Variants in ANKS1B observed in about 807,000 individuals in gnomAD.
ANKS1B encodes the protein ankyrin repeat and sterile alpha motif domain containing 1B, also known as ankyrin repeat and sterile alpha motif domain-containing protein 1B.
Under a neutral mutation model 148.3 loss-of-function variants are expected in ANKS1B, and 36 were observed. That is an observed-to-expected ratio of 0.24 (90% CI 0.19 to 0.32). The LOEUF is 0.32. Among genes scored for constraint, ANKS1B ranks in the 10% least tolerant of loss-of-function variants. The pLI, the probability that ANKS1B is intolerant of heterozygous loss-of-function variation, is 1.00. For synonymous variants in ANKS1B, 542 were observed against 560.8 expected (o/e 0.97, Z 0.47); for missense variants, 1,157 against 1,542.6 (o/e 0.75, Z 4.19).
chr12:98,833,242 G>A (rs1460034188), intron 17 of ANKS1B, among the ~76,000 whole-genome samples: 2 of 152,186 alleles, frequency 1.3e-5, no homozygotes, highest in African/African-American at 4.8e-5. Flanking sequence ...GTGGTTCCGA[G>A]TGGTTAAGTC....
At chr12:99,866,954 T>C (rs750160258) in intron 1 of ANKS1B, among the ~76,000 whole-genome samples, 20 of 152,248 alleles carry the variant, frequency 1.3e-4, no homozygotes, top group East Asian at 7.7e-4. Flanking sequence ...GGGAAAAAGA[T>C]AGCAACTGTG....
At chr12:99,458,305 G>A (rs541629197) in intron 10 of ANKS1B, among the ~76,000 whole-genome samples, 110 of 152,004 alleles carry the variant, frequency 7.2e-4, no homozygotes, top group African/African-American at 2.5e-3. Context: ...AGCATCAAAT[G>A]TCTACTTCAA....
intron 9 of ANKS1B, among the ~76,000 whole-genome samples, chr12:99,593,585 A>T (rs1216624612): frequency 6.6e-6 from 1 of 152,114 alleles, no homozygotes; most frequent in Non-Finnish European, 1.5e-5. Flanking sequence ...AAAAGAAAAC[A>T]TTGATTGATT....
chr12:99,666,895 T>TGG (rs59723143), intron 8 of ANKS1B, among the ~76,000 whole-genome samples: 4,980 of 144,790 alleles, frequency 0.034, 287 homozygotes, highest in African/African-American at 0.11. Context: ...TGTGTGTGTG[T>TGG]GGTGAGGACA....
chr12:99,007,378 T>C (rs1171039691), intron 17 of ANKS1B, among the ~76,000 whole-genome samples: 1 of 152,232 alleles, frequency 6.6e-6, no homozygotes, highest in East Asian at 1.9e-4. Context: ...TTTATGAAGA[T>C]AGCAGAAGCT....
intron 15 of ANKS1B, among the ~76,000 whole-genome samples, chr12:99,109,066 T>C (rs185358204): frequency 3.4e-4 from 52 of 152,290 alleles, no homozygotes; most frequent in Middle Eastern, 3.4e-3. Context: ...CTTCAGCTTC[T>C]TTCTCTTCTC....
At chr12:99,816,699 TTAC>T (rs2069215319) in intron 2 of ANKS1B, among the ~76,000 whole-genome samples, 1 of 151,770 alleles carries the variant, frequency 6.6e-6, no homozygotes, top group Non-Finnish European at 1.5e-5. Context: ...TCTGTCAGTT[TTAC>T]TAAGTTATAA....
At chr12:99,545,113 A>G (rs1047922673) in intron 9 of ANKS1B, among the ~76,000 whole-genome samples, 1 of 152,158 alleles carries the variant, frequency 6.6e-6, no homozygotes, top group African/African-American at 2.4e-5. Context: ...GGACATTTTA[A>G]TTATATGATC....
intron 14 of ANKS1B, among the ~76,000 whole-genome samples, chr12:99,233,287 C>T (rs2087210260): frequency 6.6e-6 from 1 of 152,024 alleles, no homozygotes; most frequent in South Asian, 2.1e-4. Flanking sequence ...ATAATTTAAT[C>T]TTGCTACAGT....
intron 15 of ANKS1B, among the ~76,000 whole-genome samples, chr12:99,095,215 T>C (rs908166820): frequency 2.6e-5 from 4 of 152,212 alleles, no homozygotes; most frequent in Non-Finnish European, 5.9e-5. Context: ...ATTCTGTTTC[T>C]TGGTCGTGGC....
chr12:99,169,466 C>A (rs2077527091), intron 14 of ANKS1B, among the ~76,000 whole-genome samples: 1 of 152,076 alleles, frequency 6.6e-6, no homozygotes, highest in Admixed American at 6.6e-5. Context: ...ACTGGCTGAA[C>A]CCTCCAAAAT....
At chr12:98,894,605 AG>A (rs2099759857) in intron 17 of ANKS1B, 2 of 984,330 alleles carry the variant, frequency 2.0e-6, no homozygotes, top group Non-Finnish European at 2.4e-6. Context: ...CCGCGGAGCG[AG>A]GGGGCCGCTG....
At chr12:99,439,538 T>C (rs1345522843) in intron 11 of ANKS1B, among the ~76,000 whole-genome samples, 1 of 151,462 alleles carries the variant, frequency 6.6e-6, no homozygotes. Context: ...GAATTGGCAA[T>C]AACCACAGAA....
chr12:98,956,646 T>G (rs1001428090), intron 17 of ANKS1B, among the ~76,000 whole-genome samples: 2 of 151,644 alleles, frequency 1.3e-5, no homozygotes, highest in Non-Finnish European at 2.9e-5. Flanking sequence ...GGATGCTTCA[T>G]ATGTTACAAG....
intron 12 of ANKS1B, among the ~76,000 whole-genome samples, chr12:99,366,574 AGTTG>A (rs2152451071): frequency 1.3e-5 from 2 of 152,316 alleles, no homozygotes; most frequent in East Asian, 3.9e-4. Flanking sequence ...TATATGACAA[AGTTG>A]GCATCTCAAA....
chr12:99,982,188 G>T (rs748021344), intron 1 of ANKS1B, among the ~76,000 whole-genome samples: 8 of 151,976 alleles, frequency 5.3e-5, no homozygotes, highest in Admixed American at 5.2e-4. Flanking sequence ...AATCTTTGTT[G>T]TAGAGCTACT....
chr12:99,590,093 G>A (rs2097684772), intron 9 of ANKS1B, among the ~76,000 whole-genome samples: 3 of 151,904 alleles, frequency 2.0e-5, no homozygotes, highest in Non-Finnish European at 2.9e-5. Flanking sequence ...AAAATATAAT[G>A]CTGAAAAAAG....
At chr12:99,364,137 C>A (rs2092639059) in intron 12 of ANKS1B, among the ~76,000 whole-genome samples, 1 of 151,992 alleles carries the variant, frequency 6.6e-6, no homozygotes, top group Admixed American at 6.6e-5. Flanking sequence ...AGATCCTGGG[C>A]AAATATTTTA....
intron 9 of ANKS1B, among the ~76,000 whole-genome samples, chr12:99,583,268 G>A (rs920304108): frequency 1.3e-5 from 2 of 152,132 alleles, no homozygotes; most frequent in Admixed American, 6.5e-5. Flanking sequence ...ATTATTCTTA[G>A]TGTGTGAGCT....
Sources: allele counts gnomAD v4.1 joint callset (sites outside exome capture counted in the v4.1 genomes callset), GRCh38; gene constraint gnomAD v4.1.1; transcripts MANE v1.5; gene names NCBI Gene and HGNC (gene_info 2026-07-23, HGNC 2026-07-21).